The following ICA1L variants were observed in gnomAD, a reference collection of about 807,000 sequenced individuals.
ICA1L encodes the protein islet cell autoantigen 1 like.
A neutral mutation model predicts 61.3 loss-of-function variants in ICA1L; 50 were observed. The observed-to-expected ratio is 0.82, with a 90% CI of 0.65 to 1.03. The LOEUF (loss-of-function observed/expected upper bound fraction) is 1.03. Among genes scored for constraint, ICA1L ranks in the 50% least tolerant of loss-of-function variants. The pLI, the probability that ICA1L is intolerant of heterozygous loss-of-function variation, is 0.00. For missense variants in ICA1L, 508 were observed against 556.7 expected, an observed-to-expected ratio of 0.91 and a Z score of 0.88; for synonymous variants, 161 against 191.3, an observed-to-expected ratio of 0.84 and a Z score of 1.31.
chr2:202,838,314 A>C (rs1181704724), intron 1 of ICA1L, among the ~76,000 whole-genome samples: 1 of 152,238 alleles, frequency 6.6e-6, no homozygotes, highest in East Asian at 1.9e-4. Context: ...TTCAATTAAT[A>C]AATTTTTAAG....
intron 9 of ICA1L, among the ~76,000 whole-genome samples, chr2:202,801,913 T>C (rs1179914449): frequency 1.3e-5 from 2 of 152,364 alleles, no homozygotes; most frequent in African/African-American, 4.8e-5. Context: ...CAAAAAATTA[T>C]CTAGGCCTCT....
At chr2:202,861,388 G>C (rs1269259633) in intron 1 of ICA1L, among the ~76,000 whole-genome samples, 2 of 99,494 alleles carry the variant, frequency 2.0e-5, no homozygotes, top group Admixed American at 1.5e-4. Context: ...CTGGGTACAC[G>C]GCGAGACTAT....
chr2:202,827,480 G>A (rs1033852522), intron 2 of ICA1L, among the ~76,000 whole-genome samples: 3 of 151,854 alleles, frequency 2.0e-5, no homozygotes, highest in African/African-American at 4.8e-5. Context: ...CAAGGTTTAT[G>A]TACTATTTTT....
chr2:202,836,818 T>TATATAG (rs747637482), intron 1 of ICA1L, among the ~76,000 whole-genome samples: 7,630 of 148,636 alleles, frequency 0.051, 257 homozygotes, highest in Non-Finnish European at 0.079. Context: ...TATATATAGA[T>TATATAG]ATATAGATAT....
chr2:202,792,108 C>T (rs1446680615), intron 10 of ICA1L, among the ~76,000 whole-genome samples: 1 of 152,128 alleles, frequency 6.6e-6, no homozygotes, highest in East Asian at 1.9e-4. Context: ...GTGGAGATGG[C>T]AGTGAGCTGA....
chr2:202,839,558 C>CTGTGTGTGTGTGTGTGTGTGTGTG (rs57535958), intron 1 of ICA1L, among the ~76,000 whole-genome samples: 1 of 114,432 alleles, frequency 8.7e-6, no homozygotes, highest in East Asian at 2.7e-4. Context: ...ACAGTTAAGT[C>CTGTGTGTGTGTGTGTGTGTGTGTG]TGTGTGTGTG....
At chr2:202,853,804 C>T (rs1034803451) in intron 1 of ICA1L, among the ~76,000 whole-genome samples, 6 of 152,070 alleles carry the variant, frequency 3.9e-5, no homozygotes, top group Non-Finnish European at 5.9e-5. Flanking sequence ...GCTTCATAAG[C>T]AAAGGAGAAA....
rs1293162360 is a variant in ICA1L, at chr2:202,775,351, A to G, written c.*4182T>C. ...TCTCTTCTTTTTATTCCTGCCTTCA[A>G]TAAGTCAGGTTACATACTATGGCTT... is the stretch of plus-strand genomic sequence containing the variant. On this transcript the variant is annotated 3_prime_UTR_variant, in exon 13 of 13. Transcript: ENST00000358299. The G allele has an allele frequency of 6.6e-6, 1 of 152,190 alleles. No homozygotes were observed. Among genetic ancestry groups the G allele is most frequent in the African/African-American group, 2.4e-5 (1 of 41,446 alleles). The allele number at this position is 152,190 out of a possible 1,614,324, so 9.4% of individuals were successfully genotyped here.
intron 1 of ICA1L, among the ~76,000 whole-genome samples, chr2:202,865,248 C>T (rs947918762): frequency 2.0e-5 from 3 of 151,772 alleles, no homozygotes; most frequent in Non-Finnish European, 4.4e-5. Context: ...GCGGGCGGGT[C>T]ACTTGAGGTC....
At chr2:202,813,514 A>C (rs1693440054) in intron 8 of ICA1L, among the ~76,000 whole-genome samples, 1 of 152,210 alleles carries the variant, frequency 6.6e-6, no homozygotes. Flanking sequence ...GAAGTTCAAG[A>C]TCATGGCCTT....
chr2:202,859,817 T>G (rs1574386215), intron 1 of ICA1L, among the ~76,000 whole-genome samples: 1 of 152,206 alleles, frequency 6.6e-6, no homozygotes, highest in Admixed American at 6.6e-5. Flanking sequence ...ATTATACCTA[T>G]AGAACCCTGA....
chr2:202,822,935 G>A (rs1374653576), intron 3 of ICA1L, among the ~76,000 whole-genome samples: 3 of 152,184 alleles, frequency 2.0e-5, no homozygotes, highest in Admixed American at 6.5e-5. Context: ...GGGGTTTGGG[G>A]AGTCATGCTA....
chr2:202,860,978 C>T (rs924993490), intron 1 of ICA1L, among the ~76,000 whole-genome samples: 1 of 152,036 alleles, frequency 6.6e-6, no homozygotes, highest in Admixed American at 6.6e-5. Flanking sequence ...GCCTGTAATC[C>T]CAGCACTTTG....
chr2:202,812,571 C>A (rs888501585), intron 8 of ICA1L, among the ~76,000 whole-genome samples: 1 of 151,476 alleles, frequency 6.6e-6, no homozygotes, highest in African/African-American at 2.4e-5. Context: ...GGCAAGACTC[C>A]GTCTCAAACA....
In ICA1L at chr2:202,840,265, C is replaced by T. The variant is rs749992482; in HGVS notation, c.-7-11249G>A. On this transcript the variant is annotated intron_variant, in intron 1 of 12. Coordinates refer to ENST00000358299, the MANE Select transcript of ICA1L (RefSeq NM_001288622.3). ...CTGTTCCCTGTGCTCCCCTGCACAG[C>T]GGCCTCCCTCCCAAGCTCTGGGGCA... is the stretch of plus-strand genomic sequence containing the variant. The T allele has an allele frequency of 5.7e-5, 25 of 439,986 alleles. No homozygotes were observed. The East Asian group carries it at 5.9e-4, about 10-fold the overall frequency. The allele number at this position is 439,986 out of a possible 1,614,324, so 27.3% of individuals were successfully genotyped here.
At chr2:202,853,274 G>A (rs1309626182) in intron 1 of ICA1L, among the ~76,000 whole-genome samples, 14 of 151,150 alleles carry the variant, frequency 9.3e-5, no homozygotes, top group African/African-American at 1.9e-4. Context: ...GGAGAACGGC[G>A]TGAACCCAGG....
rs1167172381 is a variant in ICA1L, at chr2:202,824,536, A to G, written c.235+1159T>C. 5.9e-5 allele frequency among the ~76,000 whole-genome samples: 9 copies of G among 152,098 alleles called. No individual in the cohort carries two copies. In the East Asian group the frequency reaches 1.7e-3, roughly 29 times the overall value. ...GGAAAGGGGTATTGTATTGTATTGT[A>G]TTTTTTGTACCCTCTGAGGGCAGAG... On this transcript the variant is annotated intron_variant, in intron 3 of 12. Transcript: ENST00000358299.
At chr2:202,797,874 T>C (rs972380994) in intron 9 of ICA1L, among the ~76,000 whole-genome samples, 3 of 152,190 alleles carry the variant, frequency 2.0e-5, no homozygotes, top group Admixed American at 6.5e-5. Flanking sequence ...CACCACGTTT[T>C]ACAATAGATC....
At chr2:202,813,886 T>C (rs931840054) in intron 8 of ICA1L, among the ~76,000 whole-genome samples, 2 of 152,114 alleles carry the variant, frequency 1.3e-5, no homozygotes, top group African/African-American at 4.8e-5. Context: ...TTTCTAATAG[T>C]TTATTTCACA....
Sources: gnomAD v4.1 joint callset for allele counts (sites outside exome capture counted in the v4.1 genomes callset) on GRCh38, gnomAD v4.1.1 for gene constraint, MANE v1.5 for transcripts, NCBI Gene and HGNC (gene_info 2026-07-23, HGNC 2026-07-21) for gene names.